GPD2: variants seen among roughly 807,000 people sequenced by gnomAD.
The protein encoded by GPD2 is glycerol-3-phosphate dehydrogenase, mitochondrial.
Under a neutral mutation model 82.4 loss-of-function variants are expected in GPD2, and 54 were observed. The ratio of observed to expected loss-of-function variants is 0.66; its 90% confidence interval spans 0.53 to 0.82. The LOEUF (loss-of-function observed/expected upper bound fraction) is 0.82. GPD2 is among the 40% of genes least tolerant of loss of function. The pLI is 0.00. For missense variants in GPD2, 748 were observed against 896.2 expected (o/e 0.83, Z 2.11); for synonymous variants, 288 against 306.1 (o/e 0.94, Z 0.62).
In GPD2 at chr2:156,582,989, G is replaced by C; in HGVS notation, c.*71G>C. 1 of 1,500,116 alleles carries C rather than the reference G, an allele frequency of 6.7e-7. No homozygotes were observed. 92.9% of individuals were successfully genotyped at this position (1,500,116 alleles called of 1,614,324 possible). On this transcript the variant is annotated 3_prime_UTR_variant, in exon 17 of 17. Transcript: ENST00000438166. The stretch of plus-strand genomic sequence containing the variant: ...CACCATGTAACAACCAGAGATGACT[G>C]AAACCACTCTGAAATAATGAATGTG...
the GPD2 span, among the ~76,000 whole-genome samples, chr2:156,407,950 T>TC: frequency 7.6e-6 from 1 of 131,626 alleles, no homozygotes; most frequent in South Asian, 2.7e-4. Context: ...TGTAATTTTT[T>TC]TTTTTTTTTT....
chr2:156,574,402 A>G (rs1687744089), intron 13 of GPD2, among the ~76,000 whole-genome samples: 1 of 152,186 alleles, frequency 6.6e-6, no homozygotes, highest in Non-Finnish European at 1.5e-5. Context: ...CTTATTGGAG[A>G]CAGACCCAAT....
chr2:156,411,555 A>T, the GPD2 span, among the ~76,000 whole-genome samples: 2 of 152,078 alleles, frequency 1.3e-5, no homozygotes, highest in Non-Finnish European at 1.5e-5. Context: ...ACCTCATGTG[A>T]TCCACCCGCC....
intron 1 of GPD2, among the ~76,000 whole-genome samples, chr2:156,445,667 A>T (rs1220314720): frequency 1.3e-5 from 2 of 152,190 alleles, no homozygotes; most frequent in Non-Finnish European, 2.9e-5. Context: ...TATTGTGAAA[A>T]CGAAAATGAT....
intron 6 of GPD2, among the ~76,000 whole-genome samples, chr2:156,516,455 T>C (rs1302814181): frequency 6.6e-6 from 1 of 152,238 alleles, no homozygotes; most frequent in African/African-American, 2.4e-5. Context: ...ATTAAGTTTT[T>C]TGAGACAGAG....
At chr2:156,464,909 G>A (rs986609169) in intron 1 of GPD2, among the ~76,000 whole-genome samples, 2 of 151,638 alleles carry the variant, frequency 1.3e-5, no homozygotes, top group African/African-American at 4.8e-5. Context: ...GGTGTGCAGT[G>A]GCATGATCTT....
chr2:156,564,812 A>G (rs1687317176), intron 9 of GPD2, among the ~76,000 whole-genome samples: 2 of 152,136 alleles, frequency 1.3e-5, no homozygotes, highest in Admixed American at 6.6e-5. Context: ...CCAACATTCA[A>G]CTGATATAAT....
chr2:156,536,025 TATC>T (rs1238993021), intron 6 of GPD2, among the ~76,000 whole-genome samples: 2 of 152,264 alleles, frequency 1.3e-5, no homozygotes, highest in Non-Finnish European at 2.9e-5. Context: ...TTTTAACCTG[TATC>T]ATATTAAGCT....
intron 1 of GPD2, among the ~76,000 whole-genome samples, chr2:156,439,540 CAA>C (rs869250333): frequency 7.0e-5 from 5 of 71,284 alleles, no homozygotes; most frequent in African/African-American, 1.0e-4. Flanking sequence ...AAAAAAAAAA[CAA>C]AAAAAAAAAA....
chr2:156,507,426 G>A (rs942605639), intron 3 of GPD2, among the ~76,000 whole-genome samples: 1 of 151,606 alleles, frequency 6.6e-6, no homozygotes. Context: ...GGCTCAAGCC[G>A]ATTCTCCCAC....
chr2:156,534,632 A>C (rs1217640749), intron 6 of GPD2, among the ~76,000 whole-genome samples: 2 of 152,194 alleles, frequency 1.3e-5, no homozygotes, highest in Non-Finnish European at 2.9e-5. Flanking sequence ...TTTGTATAGT[A>C]AGTTGAAAGA....
chr2:156,564,123 G>A (rs1247210172), intron 9 of GPD2, among the ~76,000 whole-genome samples: 2 of 152,040 alleles, frequency 1.3e-5, no homozygotes, highest in Non-Finnish European at 2.9e-5. Context: ...TGTTTGTTAA[G>A]TAAAATAGAG....
intron 15 of GPD2, 43 bp from the exon 16 acceptor site, chr2:156,579,646 AT>A: frequency 1.0e-6 from 1 of 996,638 alleles, no homozygotes; most frequent in Non-Finnish European, 1.6e-6. Flanking sequence ...CATATGCATA[AT>A]TTTTAATCAA....
intron 2 of GPD2, among the ~76,000 whole-genome samples, chr2:156,494,822 T>C (rs770399103): frequency 1.3e-5 from 2 of 152,234 alleles, no homozygotes; most frequent in Non-Finnish European, 2.9e-5. Context: ...CAGTACTGTT[T>C]GCTATAGTGA....
chr2:156,577,706 G>C (rs1425572858), intron 13 of GPD2, among the ~76,000 whole-genome samples: 1 of 152,148 alleles, frequency 6.6e-6, no homozygotes, highest in East Asian at 1.9e-4. Flanking sequence ...CTTGTTCTAG[G>C]TTATACTCAA....
chr2:156,520,658 T>C (rs1404612057), intron 6 of GPD2, among the ~76,000 whole-genome samples: 2 of 151,840 alleles, frequency 1.3e-5, no homozygotes, highest in Non-Finnish European at 2.9e-5. Context: ...GATCTTGGCT[T>C]ATTGCAACCT....
chr2:156,425,946 A>T, the GPD2 span, among the ~76,000 whole-genome samples: 5 of 144,760 alleles, frequency 3.5e-5, no homozygotes, highest in Admixed American at 3.5e-4. Flanking sequence ...TTTTTGAGAC[A>T]CAGTTTCACT....
the GPD2 span, among the ~76,000 whole-genome samples, chr2:156,401,163 C>G: frequency 6.6e-6 from 1 of 152,132 alleles, no homozygotes; most frequent in Non-Finnish European, 1.5e-5. Flanking sequence ...GGCCGGGAAT[C>G]GAACCCGGGC....
At chr2:156,467,806 T>A (rs1281451800) in intron 1 of GPD2, among the ~76,000 whole-genome samples, 1 of 152,168 alleles carries the variant, frequency 6.6e-6, no homozygotes, top group Non-Finnish European at 1.5e-5. Context: ...CTAATGTGCC[T>A]CTTCTGTTTG....
Sources: allele counts gnomAD v4.1 joint callset (sites outside exome capture counted in the v4.1 genomes callset), GRCh38; gene constraint gnomAD v4.1.1; transcripts MANE v1.5; gene names NCBI Gene and HGNC (gene_info 2026-07-23, HGNC 2026-07-21).